GNAQ: variants seen among roughly 807,000 people sequenced by gnomAD.
GNAQ encodes the protein guanine nucleotide-binding protein G(q) subunit alpha.
Under a neutral mutation model 43.9 loss-of-function variants are expected in GNAQ, and 8 were observed. The ratio of observed to expected loss-of-function variants is 0.18; its 90% CI spans 0.11 to 0.33. The LOEUF (loss-of-function observed/expected upper bound fraction) is 0.33. GNAQ is among the 10% of genes least tolerant of loss of function. The pLI is 1.00. For synonymous variants in GNAQ, 155 were observed against 170.7 expected (o/e 0.91, Z 0.71); for missense variants, 158 against 450.8 (o/e 0.35, Z 5.88).
chr9:77,919,175 C>T (rs987323327), intron 2 of GNAQ, among the ~76,000 whole-genome samples: 9 of 152,300 alleles, frequency 5.9e-5, no homozygotes, highest in African/African-American at 2.2e-4. Flanking sequence ...CCGCCTTAGC[C>T]TCCGTAAGTG....
chr9:77,898,641 A>C (rs1828542810), intron 2 of GNAQ, among the ~76,000 whole-genome samples: 1 of 152,106 alleles, frequency 6.6e-6, no homozygotes, highest in African/African-American at 2.4e-5. Context: ...GGATGGATGG[A>C]TGGATGGACA....
intron 2 of GNAQ, among the ~76,000 whole-genome samples, chr9:77,857,644 GGGGGAAGGAGGGAAGGA>G (rs768118739): frequency 0.1 from 12,741 of 127,296 alleles, 843 homozygotes; most frequent in African/African-American, 0.18. Flanking sequence ...GGACGGAAAG[GGGGGAAGGAGGGAAGGA>G]GGGGAAGGAG....
At position 77,841,571 on chromosome 9, in the gene GNAQ, T is replaced by C. The variant is rs142381198; in HGVS notation, c.322-25801A>G. 8.6e-4 allele frequency among the ~76,000 whole-genome samples: 131 copies of C among 152,350 alleles called. 1 individual carries two copies. Among genetic ancestry groups the C allele is most frequent in the Middle Eastern group, 3.4e-3 (1 of 294 alleles). Reference sequence around the variant, plus strand: ...TCTTCTTCCCCCTTTGCCTCCAACTTAGCTGCATCCTAGAATTTGTATATC... The same window carrying C: ...TCTTCTTCCCCCTTTGCCTCCAACTCAGCTGCATCCTAGAATTTGTATATC... On this transcript the variant is annotated intron_variant, in intron 2 of 6. Transcript: ENST00000286548.
chr9:77,937,800 G>A (rs1487784501), intron 1 of GNAQ, among the ~76,000 whole-genome samples: 4 of 152,208 alleles, frequency 2.6e-5, no homozygotes, highest in African/African-American at 9.7e-5. Flanking sequence ...GCTGAGGCAG[G>A]AGAATCCTTT....
At chr9:77,777,275 C>T (rs1277847654) in intron 5 of GNAQ, among the ~76,000 whole-genome samples, 1 of 152,016 alleles carries the variant, frequency 6.6e-6, no homozygotes, top group African/African-American at 2.4e-5. Flanking sequence ...TATGATAGTG[C>T]AAATGCAATA....
chr9:78,006,944 G>T (rs1266557670), intron 1 of GNAQ, among the ~76,000 whole-genome samples: 4 of 152,158 alleles, frequency 2.6e-5, no homozygotes, highest in Non-Finnish European at 5.9e-5. Context: ...ATGAAAATGA[G>T]AGATGAGCCA....
intron 3 of GNAQ, among the ~76,000 whole-genome samples, chr9:77,808,140 C>CT (rs1352054871): frequency 6.6e-6 from 1 of 152,104 alleles, no homozygotes; most frequent in Admixed American, 6.5e-5. Context: ...AGCAAACTGA[C>CT]TTGCCCACAT....
At chr9:77,808,779 G>C (rs543624848) in intron 3 of GNAQ, among the ~76,000 whole-genome samples, 1 of 152,084 alleles carries the variant, frequency 6.6e-6, no homozygotes, top group Non-Finnish European at 1.5e-5. Context: ...GTGAGTAGCA[G>C]AGGGAATTCC....
intron 1 of GNAQ, among the ~76,000 whole-genome samples, chr9:78,019,941 A>G (rs576370014): frequency 6.6e-6 from 1 of 151,120 alleles, no homozygotes; most frequent in Non-Finnish European, 1.5e-5. Flanking sequence ...AAAAAAAAAA[A>G]AGAAAGAAAA....
In GNAQ at chr9:77,797,546, G is replaced by T. The variant is rs755302100; in HGVS notation, c.579C>A (p.Pro193=). 2.5e-6 allele frequency: 4 copies of T among 1,612,810 alleles called. No individual in the cohort carries two copies. Among genetic ancestry groups the T allele is most frequent in the Non-Finnish European group, 3.4e-6 (4 of 1,178,948 alleles). The change falls in exon 4 of 7, where the codon CCC becomes CCA. Residue 193 remains proline (P), a synonymous_variant. Coordinates refer to ENST00000286548, the MANE Select transcript of GNAQ (RefSeq NM_002072.5). The stretch of plus-strand genomic sequence containing the variant: ...TGAAAATGACACTTTGTAAGTCAAA[G>T]GGGTATTCGATGATCCCTGTGGTGG... ...RVPTTGIIEY[P]FDLQSVIFRM...
At chr9:77,784,024 G>GT (rs1290802351) in intron 5 of GNAQ, among the ~76,000 whole-genome samples, 14 of 152,118 alleles carry the variant, frequency 9.2e-5, no homozygotes, top group African/African-American at 3.4e-4. Context: ...GAAGAAATAC[G>GT]TAAGTTTACA....
At chr9:77,837,473 G>A (rs1380801920) in intron 2 of GNAQ, among the ~76,000 whole-genome samples, 3 of 152,210 alleles carry the variant, frequency 2.0e-5, no homozygotes, top group Non-Finnish European at 1.5e-5. Context: ...AGAATCGCCC[G>A]AATCCGGGAG....
At chr9:77,858,553 C>A (rs377198241) in intron 2 of GNAQ, among the ~76,000 whole-genome samples, 35 of 152,098 alleles carry the variant, frequency 2.3e-4, no homozygotes, top group African/African-American at 8.2e-4. Context: ...TCAGAGGTCT[C>A]CAAAAGCCTA....
At chr9:78,024,046 C>T (rs144631588) in intron 1 of GNAQ, among the ~76,000 whole-genome samples, 52 of 150,804 alleles carry the variant, frequency 3.4e-4, no homozygotes, top group African/African-American at 1.2e-3. Context: ...CTAAAGCAGA[C>T]ATATTGTTCA....
intron 2 of GNAQ, among the ~76,000 whole-genome samples, chr9:77,889,580 T>A (rs950915070): frequency 6.6e-6 from 1 of 152,146 alleles, no homozygotes; most frequent in Admixed American, 6.5e-5. Context: ...CAATGCTTAT[T>A]GGACACATGT....
chr9:77,956,287 G>T (rs943536278), intron 1 of GNAQ, among the ~76,000 whole-genome samples: 1 of 152,156 alleles, frequency 6.6e-6, no homozygotes, highest in African/African-American at 2.4e-5. Flanking sequence ...CCTAAAGAGA[G>T]GGAATTTGAA....
At chr9:77,943,341 A>T (rs776868829) in intron 1 of GNAQ, among the ~76,000 whole-genome samples, 165 of 152,234 alleles carry the variant, frequency 1.1e-3, no homozygotes, top group Non-Finnish European at 1.2e-3. Context: ...CACATGTTCG[A>T]CGTGTCTTGA....
At chr9:77,783,518 T>C (rs1424193472) in intron 5 of GNAQ, among the ~76,000 whole-genome samples, 2 of 152,198 alleles carry the variant, frequency 1.3e-5, no homozygotes, top group Non-Finnish European at 2.9e-5. Flanking sequence ...GCTTCTTTCA[T>C]ATCATCTTTC....
At chr9:77,902,179 A>C (rs1320823202) in intron 2 of GNAQ, among the ~76,000 whole-genome samples, 1 of 152,250 alleles carries the variant, frequency 6.6e-6, no homozygotes, top group Non-Finnish European at 1.5e-5. Context: ...GCTGATGCAA[A>C]ATGAAACTTT....
Sources: allele counts gnomAD v4.1 joint callset (sites outside exome capture counted in the v4.1 genomes callset), GRCh38; gene constraint gnomAD v4.1.1; transcripts MANE v1.5; gene names NCBI Gene and HGNC (gene_info 2026-07-23, HGNC 2026-07-21).